Variants in PRPF19 observed in about 807,000 individuals in gnomAD.
PRPF19 encodes pre-mRNA-processing factor 19.
PRPF19 carries 2 observed loss-of-function variants against 64.2 expected under a neutral mutation model. The observed-to-expected ratio is 0.03, with a 90% CI of 0.01 to 0.10. The LOEUF is 0.10. Ranked by LOEUF, PRPF19 falls within the 10% of genes least tolerant of loss-of-function variation. PRPF19 has a pLI of 1.00. For missense variants in PRPF19, 314 were observed against 650.0 expected (o/e 0.48, Z 5.62); for synonymous variants, 226 against 251.6 (o/e 0.90, Z 0.96).
chr11:60,903,682 T>C, intron 2 of PRPF19, 30 bp downstream of exon 2: 2 of 1,580,846 alleles, frequency 1.3e-6, no homozygotes, highest in Non-Finnish European at 1.7e-6. Context: ...TGAGCTAAGA[T>C]GGCCCTAGAC....
chr11:60,903,834 C>T lies in PRPF19; in HGVS notation c.47G>A (p.Cys16Tyr). The change falls in exon 2 of 16, where the codon TGT (cysteine) becomes TAT (tyrosine). Residue 16 changes from cysteine (C) to tyrosine (Y), a missense_variant. By Grantham distance (194) the Cys-to-Tyr change is radical. Transcript: ENST00000227524. ...SISNEVPEHP[C>Y]VSPVSNHVYE... The stretch of plus-strand genomic sequence containing the variant: ...AACATGATTAGAGACAGGGGATACA[C>T]ATGGGTGCTCCGGCACTTCGTTAGA... 6.2e-7 allele frequency: 1 copy of T among 1,608,912 alleles called. No individual in the cohort carries two copies. Among genetic ancestry groups the T allele is most frequent in the Non-Finnish European group, 8.5e-7 (1 of 1,178,926 alleles).
Position 60,903,790 on chromosome 11 carries a change from C to T in PRPF19, c.91G>A (p.Glu31Lys), listed in dbSNP as rs1856011772. Residue 31 changes from glutamate (E) to lysine (K), a missense_variant, in exon 2 of 16, where the codon GAG becomes AAG. Around this residue, in one of 7 missense-constraint regions of PRPF19, gnomAD observed 66 missense variants for 88.4 expected, o/e 0.75. Coordinates refer to ENST00000227524, the MANE Select transcript of PRPF19 (RefSeq NM_014502.5). ...SNHVYERRLIEKYIAENGTDP... is the reference protein window; with the variant it reads ...SNHVYERRLIKKYIAENGTDP... ...GTACCATTCTCCGCAATGTACTTCT[C>T]GATGAGCCGCCGCTCATAAACATGA... 2 of 1,605,780 alleles carry T rather than the reference C, an allele frequency of 1.2e-6. No homozygotes were observed. The highest frequency in any genetic ancestry group is 1.4e-5 in the African/African-American group (1 of 73,944).
chr11:60,891,407 G>T, intron 15 of PRPF19, 144 bp from the exon 16 acceptor site: 3 of 647,704 alleles, frequency 4.6e-6, no homozygotes, highest in Non-Finnish European at 8.2e-6. Flanking sequence ...TTTTCCCTAG[G>T]CTGACCTGCA....
rs1401518383 is a variant in PRPF19, at chr11:60,901,334, T to G, written c.603A>C (p.Pro201=). ...GKTVPEELVK[P]EELSKYRQVA... ...CCTGCCGGTATTTGCTGAGCTCTTC[T>G]GGCTTCACCAGCTCCTCAGGCACAG... The change falls in exon 8 of 16, where the codon CCA becomes CCC. Residue 201 remains proline, a synonymous_variant. Coordinates refer to ENST00000227524, the MANE Select transcript of PRPF19 (RefSeq NM_014502.5). The G allele has an allele frequency of 1.2e-6, 2 of 1,614,082 alleles. No homozygotes were observed. The highest frequency in any genetic ancestry group is 1.7e-6 in the Non-Finnish European group (2 of 1,180,050).
At chr11:60,906,279 G>C in intron 1 of PRPF19, 85 bp downstream of exon 1, 1 of 1,503,402 alleles carries the variant, frequency 6.7e-7, no homozygotes, top group Non-Finnish European at 8.9e-7. Flanking sequence ...CTCCACCCCG[G>C]CCCGGGCGCC....
chr11:60,891,296 G>A (rs1855856406), intron 15 of PRPF19, 33 bp from the exon 16 acceptor site: 1 of 1,523,504 alleles, frequency 6.6e-7, no homozygotes, highest in Non-Finnish European at 9.1e-7. Flanking sequence ...ACTGTGAGAA[G>A]GCTTTTCCTC....
At position 60,902,105 on chromosome 11, in the gene PRPF19, C is replaced by T. The variant is rs545460318; in HGVS notation, c.525+298G>A. Reference sequence around the variant, plus strand: ...CAATAACAATAAGAGCTAAAAGGTGCACTTATCAGTAATGAAATCTTTTAA... The same window carrying T: ...CAATAACAATAAGAGCTAAAAGGTGTACTTATCAGTAATGAAATCTTTTAA... On this transcript the variant is annotated intron_variant, in intron 6 of 15. Transcript: ENST00000227524. The surrounding 1 kb of genome is among the most constrained non-coding windows in gnomAD (Gnocchi z 5.0). 2.6e-5 allele frequency among the ~76,000 whole-genome samples: 4 copies of T among 152,302 alleles called. No individual in the cohort carries two copies. In the South Asian group the frequency reaches 6.2e-4, roughly 24 times the overall value.
Position 60,898,501 on chromosome 11 carries a change from T to A in PRPF19, c.1140+40A>T, listed in dbSNP as rs1391789394. On this transcript the variant is annotated intron_variant, in intron 13 of 15. Transcript: ENST00000227524. The surrounding 1 kb of genome is among the most constrained non-coding windows in gnomAD (Gnocchi z 4.6). The stretch of plus-strand genomic sequence containing the variant: ...GCACTGCATTGTCACAAACACTCCC[T>A]CTGGCCCTGGGCCTCAGATGGAGGC... 6.2e-7 allele frequency: 1 copy of A among 1,613,680 alleles called. No individual in the cohort carries two copies. Among genetic ancestry groups the A allele is most frequent in the Admixed American group, 1.7e-5 (1 of 60,022 alleles).
In PRPF19 at chr11:60,898,388, C is replaced by A; in HGVS notation, c.1141-117G>T. ...ACGTCCTTCCAGGAAGGACAGCCAGCGGGACCCCCCAGACCACACCATCAT... is the reference window on the plus strand; with the variant it reads ...ACGTCCTTCCAGGAAGGACAGCCAGAGGGACCCCCCAGACCACACCATCAT... On this transcript the variant is annotated intron_variant, in intron 13 of 15. Coordinates refer to ENST00000227524, the MANE Select transcript of PRPF19 (RefSeq NM_014502.5). The surrounding 1 kb of genome is among the most constrained non-coding windows in gnomAD (Gnocchi z 4.6). The A allele has an allele frequency of 6.6e-7, 1 of 1,506,862 alleles. No individual in the cohort carries two copies. Among genetic ancestry groups the A allele is most frequent in the Non-Finnish European group, 8.9e-7 (1 of 1,117,964 alleles). 93.3% of individuals were successfully genotyped at this position (1,506,862 alleles called of 1,614,324 possible).
chr11:60,904,667 G>T (rs1856023210), intron 1 of PRPF19, among the ~76,000 whole-genome samples: 1 of 152,280 alleles, frequency 6.6e-6, no homozygotes, highest in Admixed American at 6.5e-5. Flanking sequence ...CAGATGAAGA[G>T]GAGCATAGGA....
Position 60,898,330 on chromosome 11 carries a change from G to A in PRPF19, c.1141-59C>T. 6.3e-7 allele frequency: 1 copy of A among 1,582,364 alleles called. No individual in the cohort carries two copies. Among genetic ancestry groups the A allele is most frequent in the Non-Finnish European group, 8.6e-7 (1 of 1,163,762 alleles). ...CACAGATCATGAGAGGAAGAAAATG[G>A]GGCTCACCAAACTCCTACCTGAGAT... On this transcript the variant is annotated intron_variant, in intron 13 of 15. Coordinates refer to ENST00000227524, the MANE Select transcript of PRPF19 (RefSeq NM_014502.5). This position sits in a 1 kb window ranked among gnomAD's most constrained non-coding sequence, Gnocchi z 4.6.
intron 15 of PRPF19, among the ~76,000 whole-genome samples, chr11:60,892,574 C>T (rs1189103069): frequency 6.6e-6 from 1 of 152,168 alleles, no homozygotes; most frequent in Non-Finnish European, 1.5e-5. Flanking sequence ...ACCTCAACAA[C>T]CCCACTGAGT....
chr11:60,900,976 G>A, intron 8 of PRPF19, 47 bp from the exon 9 acceptor site: 1 of 1,605,828 alleles, frequency 6.2e-7, no homozygotes, highest in Non-Finnish European at 8.5e-7. Context: ...AATCACAGCA[G>A]GCCACAAAGC....
Position 60,891,000 on chromosome 11 carries a change from A to C in PRPF19, c.*166T>G, listed in dbSNP as rs1160658950. On this transcript the variant is annotated 3_prime_UTR_variant, in exon 16 of 16. Coordinates refer to ENST00000227524, the MANE Select transcript of PRPF19 (RefSeq NM_014502.5). ...GGAGTTGCATGGATGAGGGTGGTCC[A>C]TGCCACCATGGTTCTCAGGCCACCA... is the stretch of plus-strand genomic sequence containing the variant. 1.6e-6 allele frequency: 1 copy of C among 631,724 alleles called. No homozygotes were observed. The highest frequency in any genetic ancestry group is 2.8e-6 in the Non-Finnish European group (1 of 354,894). 39.1% of individuals were successfully genotyped at this position (631,724 alleles called of 1,614,324 possible).
chr11:60,901,649 TG>T (rs1280099648), intron 6 of PRPF19, 109 bp from the exon 7 acceptor site: 4 of 1,266,322 alleles, frequency 3.2e-6, no homozygotes, highest in Non-Finnish European at 4.5e-6. Context: ...ACTTGCTATC[TG>T]CCAACTTCTA....
At chr11:60,904,175 T>A (rs1238125954) in intron 1 of PRPF19, among the ~76,000 whole-genome samples, 1 of 152,162 alleles carries the variant, frequency 6.6e-6, no homozygotes, top group East Asian at 1.9e-4. Context: ...CCACCTCATA[T>A]CTGAACAATG....
chr11:60,896,317 T>C (rs919125511), intron 15 of PRPF19, among the ~76,000 whole-genome samples: 2 of 152,228 alleles, frequency 1.3e-5, no homozygotes, highest in African/African-American at 2.4e-5. Flanking sequence ...GACAGGTTTA[T>C]GCATGTTGGT....
At chr11:60,903,571 C>T (rs751164848) in intron 2 of PRPF19, 36 bp from the exon 3 acceptor site, 1 of 1,607,698 alleles carries the variant, frequency 6.2e-7, no homozygotes, top group Non-Finnish European at 8.5e-7. Context: ...AGAACATAAC[C>T]CAGGGGCCTC....
intron 2 of PRPF19, 48 bp from the exon 3 acceptor site, chr11:60,903,583 C>T (rs1313393835): frequency 6.2e-7 from 1 of 1,602,878 alleles, no homozygotes; most frequent in South Asian, 1.1e-5. Context: ...AGGGGCCTCC[C>T]CCGCCATCAC....
Sources: gnomAD v4.1 joint callset for allele counts (sites outside exome capture counted in the v4.1 genomes callset) on GRCh38, gnomAD v4.1.1 for gene constraint, gnomAD v4.1.1 regional missense constraint, Gnocchi (gnomAD v3.1) non-coding constraint, MANE v1.5 for transcripts, NCBI Gene and HGNC (gene_info 2026-07-23, HGNC 2026-07-21) for gene names.